Variants in PHKB observed in about 807,000 individuals in gnomAD.
PHKB encodes phosphorylase kinase regulatory subunit beta, also known as phosphorylase b kinase regulatory subunit beta.
A neutral mutation model predicts 152.1 loss-of-function variants in PHKB; 122 were observed. The observed-to-expected ratio is 0.80, with a 90% CI of 0.69 to 0.93. PHKB has a LOEUF of 0.93. Among genes scored for constraint, PHKB ranks in the 40% least tolerant of loss-of-function variants. The pLI is 0.00. For missense variants in PHKB, 1,304 were observed against 1,328.4 expected (o/e 0.98, Z 0.29); for synonymous variants, 436 against 464.9 (o/e 0.94, Z 0.80).
chr16:47,559,689 A>G (rs1199810494), intron 7 of PHKB, among the ~76,000 whole-genome samples: 5 of 152,140 alleles, frequency 3.3e-5, no homozygotes, highest in Non-Finnish European at 7.4e-5. Flanking sequence ...CCAGGCAGAG[A>G]GTTAGGTGGG....
intron 6 of PHKB, among the ~76,000 whole-genome samples, chr16:47,540,529 G>A (rs1016578720): frequency 1.3e-5 from 2 of 151,882 alleles, no homozygotes; most frequent in African/African-American, 4.8e-5. Context: ...AGCTCAAGTG[G>A]GCATCATGGT....
Position 47,499,862 on chromosome 16 carries a change from T to C in PHKB, c.273T>C (p.Ala91=), listed in dbSNP as rs1346518102. The C allele has an allele frequency of 3.1e-6, 5 of 1,614,076 alleles. No homozygotes were observed. The highest frequency in any genetic ancestry group is 1.1e-5 in the South Asian group (1 of 91,082). Residue 91 remains alanine (A), a synonymous_variant, in exon 3 of 31, where the codon GCT becomes GCC. Transcript: ENST00000323584. The stretch of plus-strand genomic sequence containing the variant: ...AGATCCAGGACAGCCTATACTGCGC[T>C]GCTGGGGCCTGGGCTTTGGCTCTTG... The part of the protein sequence containing the change: ...KAKIQDSLYC[A]AGAWALALAY...
At chr16:47,660,127 G>T (rs144332582) in intron 20 of PHKB, among the ~76,000 whole-genome samples, 1 of 152,290 alleles carries the variant, frequency 6.6e-6, no homozygotes, top group Non-Finnish European at 1.5e-5. Flanking sequence ...ACCCCAAAGT[G>T]CTGGGATTAC....
chr16:47,641,262 C>T (rs1228802396), intron 15 of PHKB, among the ~76,000 whole-genome samples, 172 bp downstream of exon 15: 2 of 152,182 alleles, frequency 1.3e-5, no homozygotes. Context: ...ATATTCTTTT[C>T]GTGTTTAAAA....
At chr16:47,679,630 A>T (rs1474817360) in intron 26 of PHKB, among the ~76,000 whole-genome samples, 1 of 152,202 alleles carries the variant, frequency 6.6e-6, no homozygotes, top group East Asian at 1.9e-4. Context: ...GTATCCTCAG[A>T]CTTTGCTGAA....
At chr16:47,665,161 A>G in intron 25 of PHKB, 186 bp downstream of exon 25, 1 of 586,804 alleles carries the variant, frequency 1.7e-6, no homozygotes, top group Non-Finnish European at 3.0e-6. Context: ...CTATGTTGAA[A>G]TTAAGGAATA....
intron 27 of PHKB, among the ~76,000 whole-genome samples, chr16:47,690,640 A>G (rs1208447352): frequency 6.6e-6 from 1 of 152,206 alleles, no homozygotes; most frequent in Non-Finnish European, 1.5e-5. Flanking sequence ...GACCTTTCTT[A>G]TAATAGAATT....
At position 47,555,832 on chromosome 16, in the gene PHKB, G is replaced by C. The variant is rs575038449; in HGVS notation, c.710+8284G>C. On this transcript the variant is annotated intron_variant, in intron 7 of 30. Coordinates refer to ENST00000323584, the MANE Select transcript of PHKB (RefSeq NM_000293.3). Reference sequence around the variant, plus strand: ...TGAAGAAAGTCGTTGGTAGCTTGATGGGGATGGCATTGAATCTATAAATTA... The same window carrying C: ...TGAAGAAAGTCGTTGGTAGCTTGATCGGGATGGCATTGAATCTATAAATTA... Among the ~76,000 whole-genome samples, 9 of 152,290 alleles carry C rather than the reference G, an allele frequency of 5.9e-5. No individual in the cohort carries two copies. The South Asian group carries it at 1.9e-3, about 32-fold the overall frequency.
At chr16:47,549,194 A>G (rs573840334) in intron 7 of PHKB, among the ~76,000 whole-genome samples, 10 of 152,348 alleles carry the variant, frequency 6.6e-5, no homozygotes, top group South Asian at 2.1e-4. Flanking sequence ...CCCTCATCCA[A>G]ATTAAGTTCT....
intron 14 of PHKB, among the ~76,000 whole-genome samples, chr16:47,637,354 G>A (rs944559692): frequency 2.4e-4 from 36 of 152,100 alleles, no homozygotes; most frequent in Admixed American, 1.5e-3. Context: ...GCTGAAACAC[G>A]CACCCCCCAC....
chr16:47,543,750 T>C (rs143076261), intron 6 of PHKB, among the ~76,000 whole-genome samples: 1 of 152,314 alleles, frequency 6.6e-6, no homozygotes, highest in East Asian at 1.9e-4. Flanking sequence ...TCTCCAGGAA[T>C]TTATCAATTT....
chr16:47,555,959 G>A (rs1023251415), intron 7 of PHKB, among the ~76,000 whole-genome samples: 3 of 152,132 alleles, frequency 2.0e-5, no homozygotes, highest in African/African-American at 7.2e-5. Context: ...ATTGAGCAGT[G>A]GTTTGTAATT....
rs563637497 is a variant in PHKB, at chr16:47,521,651, G to A, written c.594+6050G>A. On this transcript the variant is annotated intron_variant, in intron 6 of 30. Coordinates refer to ENST00000323584, the MANE Select transcript of PHKB (RefSeq NM_000293.3). ...GCCTGGGAAACAAGAGCGAAACTAC[G>A]TCTCAAAAAAAAAAAAGGAAAGAAA... Among the ~76,000 whole-genome samples the A allele has an allele frequency of 1.4e-4, 21 of 148,824 alleles. No individual in the cohort carries two copies. The South Asian group carries it at 1.5e-3, about 10-fold the overall frequency.
chr16:47,464,052 A>T (rs1969623769), intron 1 of PHKB: 1 of 1,086,810 alleles, frequency 9.2e-7, no homozygotes. Flanking sequence ...TTGTTTCTGA[A>T]GGTTGATTTC....
Position 47,689,077 on chromosome 16 carries a change from C to T in PHKB, c.2667C>T (p.Ile889=), listed in dbSNP as rs1043755350. 6.2e-7 allele frequency: 1 copy of T among 1,613,994 alleles called. No homozygotes were observed. Among genetic ancestry groups the T allele is most frequent in the African/African-American group, 1.3e-5 (1 of 75,006 alleles). Residue 889 remains isoleucine (I), a synonymous_variant, in exon 27 of 31, where the codon ATC becomes ATT. Coordinates refer to ENST00000323584, the MANE Select transcript of PHKB (RefSeq NM_000293.3). ...IIHAMEYELQ[I]RGGDKPALDL... is the part of the protein sequence containing the mutation. The stretch of plus-strand genomic sequence containing the variant: ...ATGCCATGGAGTATGAACTTCAGAT[C>T]CGTGGCGGAGACAAGCCAGCCTTGG...
chr16:47,580,984 G>A (rs1054384228), intron 8 of PHKB, among the ~76,000 whole-genome samples: 7 of 152,136 alleles, frequency 4.6e-5, no homozygotes, highest in African/African-American at 9.7e-5. Context: ...TAAAATGTAG[G>A]AATAGAGGTT....
In PHKB at chr16:47,487,427, ATAT is replaced by A. The variant is rs1274588241; in HGVS notation, c.77-9970_77-9968del. ...GGTACAAGAGTTTATATATATATAT[ATAT>A]TTTTTTTTTCTTTCCACCTTTTATT... On this transcript the variant is annotated intron_variant, in intron 1 of 30. Coordinates refer to ENST00000323584, the MANE Select transcript of PHKB (RefSeq NM_000293.3). 6.8e-3 allele frequency among the ~76,000 whole-genome samples: 923 copies of A among 136,140 alleles called. 7 individuals carry two copies. The highest frequency in any genetic ancestry group is 0.021 in the Middle Eastern group (6 of 284). 89.3% of individuals were successfully genotyped at this position (136,140 alleles called of 152,430 possible). A position where few individuals can be genotyped will look rare whatever the true frequency, so the allele number is the denominator to read the frequency against.
intron 1 of PHKB, among the ~76,000 whole-genome samples, chr16:47,494,674 A>C (rs1288797307): frequency 2.0e-5 from 3 of 152,244 alleles, no homozygotes; most frequent in African/African-American, 7.2e-5. Context: ...GAATGGGAAA[A>C]GCATGGAAAA....
At chr16:47,624,287 T>G (rs988067632) in intron 14 of PHKB, among the ~76,000 whole-genome samples, 3 of 152,200 alleles carry the variant, frequency 2.0e-5, no homozygotes, top group African/African-American at 7.2e-5. Context: ...ACACTAATTA[T>G]GGCTCCTAAT....
Sources: gnomAD v4.1 joint callset for allele counts (sites outside exome capture counted in the v4.1 genomes callset) on GRCh38, gnomAD v4.1.1 for gene constraint, MANE v1.5 for transcripts, NCBI Gene and HGNC (gene_info 2026-07-23, HGNC 2026-07-21) for gene names.